RAB22A: variants seen among roughly 807,000 people sequenced by gnomAD.
The protein encoded by RAB22A is ras-related protein Rab-22A.
In RAB22A, 13 loss-of-function variants were observed where a neutral mutation model predicts 30.2. The observed-to-expected ratio is 0.43, with a 90% CI of 0.28 to 0.68. The LOEUF (loss-of-function observed/expected upper bound fraction) is 0.68, where lower values mean the gene tolerates loss of function less well. RAB22A is among the 30% of genes least tolerant of loss of function. The pLI, the probability that RAB22A is intolerant of heterozygous loss-of-function variation, is 0.18. For missense variants in RAB22A, 177 were observed against 246.8 expected, an observed-to-expected ratio of 0.72 and a Z score of 1.89; for synonymous variants, 89 against 87.2, an observed-to-expected ratio of 1.02 and a Z score of -0.11.
chr20:58,334,281 G>A (rs2122947888), intron 2 of RAB22A, among the ~76,000 whole-genome samples: 1 of 151,730 alleles, frequency 6.6e-6, no homozygotes, highest in East Asian at 1.9e-4. Context: ...ATTGCAGTAA[G>A]CAGAGGTGGC....
At chr20:58,322,485 TA>T (rs760914827) in intron 2 of RAB22A, among the ~76,000 whole-genome samples, 3 of 152,246 alleles carry the variant, frequency 2.0e-5, no homozygotes, top group Admixed American at 6.5e-5. Flanking sequence ...ACATCATTTT[TA>T]TTTATTATGA....
chr20:58,359,530 T>A (rs1987189590), intron 6 of RAB22A, 76 bp from the exon 7 acceptor site: 2 of 935,130 alleles, frequency 2.1e-6, no homozygotes, highest in South Asian at 1.9e-5. Flanking sequence ...GTGAAACCTG[T>A]CAAATTGCAT....
intron 2 of RAB22A, among the ~76,000 whole-genome samples, chr20:58,315,697 C>G (rs140684515): frequency 5.3e-5 from 8 of 152,104 alleles, no homozygotes; most frequent in Non-Finnish European, 1.0e-4. Context: ...CTCTTCACCC[C>G]ACCCCCAGCC....
chr20:58,347,033 T>C (rs534549971), intron 3 of RAB22A, among the ~76,000 whole-genome samples: 1 of 152,342 alleles, frequency 6.6e-6, no homozygotes, highest in African/African-American at 2.4e-5. Context: ...TAAGGACAGC[T>C]CCTCTACCTA....
At chr20:58,317,055 A>C (rs1986354790) in intron 2 of RAB22A, among the ~76,000 whole-genome samples, 1 of 152,164 alleles carries the variant, frequency 6.6e-6, no homozygotes, top group Non-Finnish European at 1.5e-5. Flanking sequence ...ATTAGATCAC[A>C]GCTCTGCCAC....
rs181790261 is a variant in RAB22A at position 58,311,154 on chromosome 20, G to A, written c.116+32G>A. 2.7e-5 allele frequency: 41 copies of A among 1,524,838 alleles called. No homozygotes were observed. The African/African-American group carries it at 4.8e-4, about 18-fold the overall frequency. 94.5% of individuals were successfully genotyped at this position (1,524,838 alleles called of 1,614,324 possible). ...GACTTTTATTTGATACACATCTAAA[G>A]GTGCATTGAAAATCCTTCCAAATAC... On this transcript the variant is annotated intron_variant, in intron 2 of 6. Transcript: ENST00000244040.
rs1986217106 is a variant in RAB22A, at chr20:58,311,110, A to G, written c.104A>G (p.Asn35Ser). 2 of 1,590,192 alleles carry G rather than the reference A, an allele frequency of 1.3e-6. No homozygotes were observed. Among genetic ancestry groups the G allele is most frequent in the South Asian group, 1.1e-5 (1 of 90,624 alleles). ...GAAGACAGTTTTGATCCAAACATCA[A>G]CCCAACAATAGGGTAAGAGACTTTT... The part of the protein sequence containing the change: ...FVEDSFDPNI[N>S]PTIGASFMTK... The change falls in exon 2 of 7, where the codon AAC becomes AGC. Residue 35 changes from asparagine (N) to serine (S), a missense_variant. Asn to Ser is a conservative substitution (Grantham distance 46, BLOSUM62 1). Coordinates refer to ENST00000244040, the MANE Select transcript of RAB22A (RefSeq NM_020673.3).
At position 58,313,157 on chromosome 20, in the gene RAB22A, C is replaced by T. The variant is rs527158; in HGVS notation, c.116+2035C>T. Among the ~76,000 whole-genome samples the T allele has an allele frequency of 6.3e-4, 95 of 151,924 alleles. 1 individual carries two copies. The East Asian group carries it at 0.017, about 27-fold the overall frequency. The stretch of plus-strand genomic sequence containing the variant: ...TAGCTTCATGCATCTTGGTGAGGCA[C>T]GCCCCATCCTGAGTGTCCACTGTTC... On this transcript the variant is annotated intron_variant, in intron 2 of 6. Coordinates refer to ENST00000244040, the MANE Select transcript of RAB22A (RefSeq NM_020673.3).
intron 2 of RAB22A, among the ~76,000 whole-genome samples, chr20:58,325,488 A>G (rs911662636): frequency 1.4e-4 from 22 of 152,302 alleles, no homozygotes; most frequent in Non-Finnish European, 7.4e-5. Context: ...AAAAAAAAAC[A>G]AAAAACTTGA....
intron 3 of RAB22A, among the ~76,000 whole-genome samples, chr20:58,344,093 T>G (rs1986903757): frequency 6.6e-6 from 1 of 152,142 alleles, no homozygotes; most frequent in African/African-American, 2.4e-5. Context: ...TGTGTATAAT[T>G]TGGGGCTCTC....
chr20:58,309,776 G>T lies in RAB22A; in HGVS notation c.-201G>T, dbSNP rs972389545. On this transcript the variant is annotated 5_prime_UTR_variant, in exon 1 of 7. Transcript: ENST00000244040. ...GCGGCTCCCGGAAGGCCGCGGCGGC[G>T]TCCCGGCTGCTAAGGCGGGCCCCAC... is the stretch of plus-strand genomic sequence containing the variant. 1.6e-5 allele frequency: 6 copies of T among 364,884 alleles called. No individual in the cohort carries two copies. Among genetic ancestry groups the T allele is most frequent in the Admixed American group, 5.0e-5 (1 of 19,868 alleles). 22.6% of individuals were successfully genotyped at this position (364,884 alleles called of 1,614,324 possible). A position where few individuals can be genotyped will look rare whatever the true frequency, so the allele number is the denominator to read the frequency against.
chr20:58,349,508 CATT>C (rs1201204509), intron 3 of RAB22A, among the ~76,000 whole-genome samples: 1 of 152,206 alleles, frequency 6.6e-6, no homozygotes, highest in Non-Finnish European at 1.5e-5. Context: ...ACAAGAGAGA[CATT>C]ATAAAATGCA....
At chr20:58,311,236 G>A in intron 2 of RAB22A, 114 bp downstream of exon 2, 1 of 983,432 alleles carries the variant, frequency 1.0e-6, no homozygotes, top group South Asian at 1.3e-5. Flanking sequence ...CTGAGTCGCT[G>A]GTTCGCATCA....
chr20:58,356,537 T>TACAG (rs1224599104), intron 6 of RAB22A, among the ~76,000 whole-genome samples: 1 of 152,184 alleles, frequency 6.6e-6, no homozygotes, highest in Admixed American at 6.5e-5. Flanking sequence ...ATAATAGACA[T>TACAG]ACAGAAATGT....
rs1182040929 is a variant in RAB22A at position 58,361,600 on chromosome 20, C to CT, written c.*1900dup. The stretch of plus-strand genomic sequence containing the variant: ...GCGCTTTACACCTAAAGTAGTTTGA[C>CT]TTTCTTCTGTATACATCCAGATGGA... On this transcript the variant is annotated 3_prime_UTR_variant, in exon 7 of 7. Transcript: ENST00000244040. 1 of 152,206 alleles carries CT rather than the reference C, an allele frequency of 6.6e-6. No individual in the cohort carries two copies. The highest frequency in any genetic ancestry group is 1.5e-5 in the Non-Finnish European group (1 of 68,040). 9.4% of individuals were successfully genotyped at this position (152,206 alleles called of 1,614,324 possible). A position where few individuals can be genotyped will look rare whatever the true frequency, so the allele number is the denominator to read the frequency against.
intron 3 of RAB22A, among the ~76,000 whole-genome samples, chr20:58,352,283 A>G (rs1027739981): frequency 9.2e-5 from 14 of 152,220 alleles, no homozygotes; most frequent in Admixed American, 8.5e-4. Flanking sequence ...ATAGTTCTGT[A>G]TGTGGTTTAT....
chr20:58,361,282 C>G lies in RAB22A; in HGVS notation c.*1579C>G, dbSNP rs1600746182. ...CTATCCTGAAACTGAACAGCTGAAA[C>G]TTTAAAAAATAATTGGTATTATTTT... On this transcript the variant is annotated 3_prime_UTR_variant, in exon 7 of 7. Transcript: ENST00000244040. 6.6e-6 allele frequency: 1 copy of G among 152,638 alleles called. No individual in the cohort carries two copies. Among genetic ancestry groups the G allele is most frequent in the East Asian group, 1.9e-4 (1 of 5,192 alleles). 9.5% of individuals were successfully genotyped at this position (152,638 alleles called of 1,614,324 possible). A position where few individuals can be genotyped will look rare whatever the true frequency, so the allele number is the denominator to read the frequency against.
chr20:58,328,027 G>A (rs1986598834), intron 2 of RAB22A, among the ~76,000 whole-genome samples: 1 of 152,202 alleles, frequency 6.6e-6, no homozygotes, highest in Non-Finnish European at 1.5e-5. Flanking sequence ...ATATGTCAAT[G>A]TTAAGTTCAC....
rs1465985694 is a variant in RAB22A, at chr20:58,309,781, G to A, written c.-196G>A. Reference sequence around the variant, plus strand: ...TCCCGGAAGGCCGCGGCGGCGTCCCGGCTGCTAAGGCGGGCCCCACGCGGC... The same window carrying A: ...TCCCGGAAGGCCGCGGCGGCGTCCCAGCTGCTAAGGCGGGCCCCACGCGGC... On this transcript the variant is annotated 5_prime_UTR_variant, in exon 1 of 7. Transcript: ENST00000244040. The A allele has an allele frequency of 1.3e-5, 5 of 383,382 alleles. No homozygotes were observed. The highest frequency in any genetic ancestry group is 2.1e-5 in the African/African-American group (1 of 46,836). 23.7% of individuals were successfully genotyped at this position (383,382 alleles called of 1,614,324 possible).
Sources: gnomAD v4.1 joint callset for allele counts (sites outside exome capture counted in the v4.1 genomes callset) on GRCh38, gnomAD v4.1.1 for gene constraint, MANE v1.5 for transcripts, NCBI Gene and HGNC (gene_info 2026-07-23, HGNC 2026-07-21) for gene names.